The following SELENOF variants were observed in gnomAD, a reference collection of about 807,000 sequenced individuals.
SELENOF encodes the protein 15 kDa selenoprotein.
Under a neutral mutation model 20.5 loss-of-function variants are expected in SELENOF, and 16 were observed. That is an observed-to-expected ratio of 0.78 (90% CI 0.53 to 1.19). SELENOF has a LOEUF of 1.19. Among genes scored for constraint, SELENOF ranks in the 50% most tolerant of loss-of-function variants. The probability of loss-of-function intolerance (pLI) is 0.00; values close to 1 mark genes in which losing one functional copy is unlikely to be tolerated. For synonymous variants in SELENOF, 78 were observed against 74.5 expected (o/e 1.05, Z -0.24); for missense variants, 215 against 194.2 (o/e 1.11, Z -0.64).
At chr1:86,906,985 G>A (rs1029253163) in intron 1 of SELENOF, among the ~76,000 whole-genome samples, 3 of 152,108 alleles carry the variant, frequency 2.0e-5, no homozygotes, top group African/African-American at 7.2e-5. Flanking sequence ...AACAAAATAA[G>A]AACCTCAAAT....
chr1:86,884,573 A>G (rs1659167294), intron 2 of SELENOF, among the ~76,000 whole-genome samples: 1 of 152,238 alleles, frequency 6.6e-6, no homozygotes, highest in Non-Finnish European at 1.5e-5. Context: ...ACTTATAAAT[A>G]GTAGAAATTC....
chr1:86,879,493 A>C (rs1389374835), intron 3 of SELENOF, among the ~76,000 whole-genome samples: 1 of 152,236 alleles, frequency 6.6e-6, no homozygotes, highest in East Asian at 1.9e-4. Context: ...TCAATATTTT[A>C]TTATAAACAA....
chr1:86,865,657 T>C (rs866200540), intron 4 of SELENOF, among the ~76,000 whole-genome samples: 70 of 152,302 alleles, frequency 4.6e-4, no homozygotes, highest in African/African-American at 1.5e-3. Flanking sequence ...TTGGAACACT[T>C]GTGCCCTGTT....
chr1:86,895,385 G>T (rs191436918), intron 2 of SELENOF, among the ~76,000 whole-genome samples: 1 of 152,228 alleles, frequency 6.6e-6, no homozygotes, highest in East Asian at 1.9e-4. Flanking sequence ...TATTACTGCT[G>T]CTGCTGTCAT....
At position 86,899,360 on chromosome 1, in the gene SELENOF, G is replaced by A. The variant is rs865860989; in HGVS notation, c.252+3921C>T. Among the ~76,000 whole-genome samples the A allele has an allele frequency of 4.3e-3, 523 of 121,008 alleles. 4 individuals carry two copies. Among genetic ancestry groups the A allele is most frequent in the African/African-American group, 0.011 (271 of 24,822 alleles). The allele number at this position is 121,008 out of a possible 152,430, so 79.4% of individuals were successfully genotyped here. A position where few individuals can be genotyped will look rare whatever the true frequency, so the allele number is the denominator to read the frequency against. The stretch of plus-strand genomic sequence containing the variant: ...GGGCTCCTCACTTCCCAGTAGGGGC[G>A]GCCGGGCAGAGGCGCCCCTCACCTC... On this transcript the variant is annotated intron_variant, in intron 2 of 4. Coordinates refer to ENST00000331835, the MANE Select transcript of SELENOF (RefSeq NM_004261.5).
chr1:86,899,508 C>T (rs372198261), intron 2 of SELENOF, among the ~76,000 whole-genome samples: 9,565 of 137,284 alleles, frequency 0.07, 475 homozygotes, highest in Non-Finnish European at 0.1. Flanking sequence ...AGGCGTCCCT[C>T]ACCTCCCGGA....
chr1:86,900,680 G>A (rs1225245427), intron 2 of SELENOF, among the ~76,000 whole-genome samples: 3 of 150,716 alleles, frequency 2.0e-5, no homozygotes, highest in African/African-American at 7.4e-5. Context: ...AGACAGAGAC[G>A]GAGACGGAGA....
intron 2 of SELENOF, among the ~76,000 whole-genome samples, chr1:86,901,992 TA>T (rs1659715533): frequency 6.6e-6 from 1 of 152,062 alleles, no homozygotes. Context: ...GTTGGTTGAG[TA>T]GTAGTACAGC....
intron 2 of SELENOF, among the ~76,000 whole-genome samples, chr1:86,892,879 A>G (rs1179874913): frequency 6.6e-6 from 1 of 152,214 alleles, no homozygotes; most frequent in African/African-American, 2.4e-5. Flanking sequence ...AATATTGTTA[A>G]GTACAAATGG....
chr1:86,903,910 T>C (rs577479429), intron 1 of SELENOF, among the ~76,000 whole-genome samples: 1 of 152,338 alleles, frequency 6.6e-6, no homozygotes, highest in Admixed American at 6.5e-5. Context: ...TGTAACCTTA[T>C]GTAATAGTCT....
At chr1:86,879,717 T>C (rs571383617) in intron 3 of SELENOF, among the ~76,000 whole-genome samples, 3 of 152,312 alleles carry the variant, frequency 2.0e-5, no homozygotes, top group Non-Finnish European at 4.4e-5. Flanking sequence ...TTCAGTTTCA[T>C]AAAACTGATT....
At chr1:86,913,944 C>G (rs1660061424) in intron 1 of SELENOF, 84 bp downstream of exon 1, 9 of 1,321,726 alleles carry the variant, frequency 6.8e-6, no homozygotes, top group Non-Finnish European at 9.8e-6. Context: ...CCACCCTTTT[C>G]AACCAGGACC....
At chr1:86,904,016 G>A (rs181639339) in intron 1 of SELENOF, among the ~76,000 whole-genome samples, 4 of 152,194 alleles carry the variant, frequency 2.6e-5, no homozygotes, top group Admixed American at 2.0e-4. Context: ...GCATATCATT[G>A]TTCATGATGT....
upstream of SELENOF, chr1:86,914,398 GC>G: frequency 2.1e-6 from 1 of 476,032 alleles, no homozygotes; most frequent in Non-Finnish European, 3.8e-6. Context: ...CCACGCCTTC[GC>G]CAGTTTTAGC....
chr1:86,863,355 T>A lies in SELENOF; in HGVS notation c.*119A>T, dbSNP rs1658508379. The stretch of plus-strand genomic sequence containing the variant: ...TGCCATTTCACGATTTAATTAGATA[T>A]TTAATGCCTCAAGTAAAAGACTGAT... On this transcript the variant is annotated 3_prime_UTR_variant, in exon 5 of 5. Transcript: ENST00000331835. 1 of 821,438 alleles carries A rather than the reference T, an allele frequency of 1.2e-6. No individual in the cohort carries two copies. Among genetic ancestry groups the A allele is most frequent in the Non-Finnish European group, 1.8e-6 (1 of 543,784 alleles). The allele number at this position is 821,438 out of a possible 1,614,324, so 50.9% of individuals were successfully genotyped here. A position where few individuals can be genotyped will look rare whatever the true frequency, so the allele number is the denominator to read the frequency against.
intron 2 of SELENOF, among the ~76,000 whole-genome samples, chr1:86,893,556 T>C (rs1407722775): frequency 6.6e-6 from 1 of 151,690 alleles, no homozygotes; most frequent in Non-Finnish European, 1.5e-5. Flanking sequence ...AGGCAGAGGT[T>C]GCAGTAAGCC....
chr1:86,906,874 T>C (rs761336434), intron 1 of SELENOF, among the ~76,000 whole-genome samples: 25 of 152,230 alleles, frequency 1.6e-4, no homozygotes, highest in Non-Finnish European at 3.4e-4. Context: ...TAATTCTGTT[T>C]TGCAGCCATA....
chr1:86,893,008 A>G (rs1659427698), intron 2 of SELENOF, among the ~76,000 whole-genome samples: 1 of 152,234 alleles, frequency 6.6e-6, no homozygotes, highest in African/African-American at 2.4e-5. Flanking sequence ...AAAATAGCAC[A>G]GAGGTTTAAA....
chr1:86,891,932 G>GT (rs111839796), intron 2 of SELENOF, among the ~76,000 whole-genome samples: 386 of 146,228 alleles, frequency 2.6e-3, no homozygotes, highest in Non-Finnish European at 3.4e-3. Context: ...TTATTATTTA[G>GT]TTTTTTTTTT....
Sources: gnomAD v4.1 joint callset for allele counts (sites outside exome capture counted in the v4.1 genomes callset) on GRCh38, gnomAD v4.1.1 for gene constraint, MANE v1.5 for transcripts, NCBI Gene and HGNC (gene_info 2026-07-23, HGNC 2026-07-21) for gene names.